The following NRXN3 variants were observed in gnomAD, a reference collection of about 807,000 sequenced individuals.
NRXN3 encodes neurexin III.
Under a neutral mutation model 137.6 loss-of-function variants are expected in NRXN3, and 32 were observed. The observed-to-expected ratio is 0.23, with a 90% confidence interval of 0.18 to 0.31. The LOEUF is 0.31. NRXN3 is among the 10% of genes least tolerant of loss of function. The pLI, the probability that NRXN3 is intolerant of heterozygous loss-of-function variation, is 1.00. For synonymous variants in NRXN3, 798 were observed against 784.5 expected (o/e 1.02, Z -0.29); for missense variants, 1,574 against 2,062.5 (o/e 0.76, Z 4.59).
intron 11 of NRXN3, among the ~76,000 whole-genome samples, chr14:78,962,964 G>C (rs956519925): frequency 6.6e-6 from 1 of 151,902 alleles, no homozygotes; most frequent in South Asian, 2.1e-4. Flanking sequence ...CACCCACCTC[G>C]ACCTCCCAAG....
At chr14:78,396,917 G>T (rs548185336) in intron 4 of NRXN3, among the ~76,000 whole-genome samples, 1 of 152,228 alleles carries the variant, frequency 6.6e-6, no homozygotes, top group South Asian at 2.1e-4. Flanking sequence ...TCAAATTCTG[G>T]TTGGGGCTCT....
chr14:79,219,166 C>T (rs569683086), intron 15 of NRXN3, among the ~76,000 whole-genome samples: 4 of 152,242 alleles, frequency 2.6e-5, no homozygotes, highest in African/African-American at 7.2e-5. Context: ...CTGTGCCCCA[C>T]GCTGGAATGC....
chr14:79,537,178 T>C (rs1311391998), intron 16 of NRXN3, among the ~76,000 whole-genome samples: 1 of 152,166 alleles, frequency 6.6e-6, no homozygotes, highest in Non-Finnish European at 1.5e-5. Context: ...GGAGTCTCAT[T>C]GTGGTTTTGA....
At chr14:79,254,794 C>A (rs576783544) in intron 15 of NRXN3, among the ~76,000 whole-genome samples, 1 of 152,126 alleles carries the variant, frequency 6.6e-6, no homozygotes, top group East Asian at 1.9e-4. Flanking sequence ...TCTTCCCTCC[C>A]TGCCTGCCTC....
In NRXN3 at chr14:78,898,469, G is replaced by A. The variant is rs956696573; in HGVS notation, c.2276-58773G>A. Among the ~76,000 whole-genome samples, 5 of 151,818 alleles carry A rather than the reference G, an allele frequency of 3.3e-5. No individual in the cohort carries two copies. In the East Asian group the frequency reaches 9.8e-4, roughly 30 times the overall value. On this transcript the variant is annotated intron_variant, in intron 10 of 20. Coordinates refer to ENST00000335750, the MANE Select transcript of NRXN3 (RefSeq NM_001330195.2). Reference sequence around the variant, plus strand: ...TTTCATCTTCAAAGCACAAGAATGAGAAAAGAAAGGAGACAGGAACCATTT... The same window carrying A: ...TTTCATCTTCAAAGCACAAGAATGAAAAAAGAAAGGAGACAGGAACCATTT...
chr14:78,544,766 T>C (rs1600226973), intron 4 of NRXN3, among the ~76,000 whole-genome samples: 3 of 152,328 alleles, frequency 2.0e-5, no homozygotes, highest in South Asian at 2.1e-4. Context: ...GAGGACTGCA[T>C]AGAGTTGCAA....
At position 79,762,359 on chromosome 14, in the gene NRXN3, C is replaced by T. The variant is rs114750715; in HGVS notation, c.4015-42753C>T. Reference sequence around the variant, plus strand: ...ATGCTCAAGTAGTTAGAAAGTGTGTCGAAGCAGATGTTGAACTGAAGAAAG... The same window carrying T: ...ATGCTCAAGTAGTTAGAAAGTGTGTTGAAGCAGATGTTGAACTGAAGAAAG... On this transcript the variant is annotated intron_variant, in intron 19 of 20. Coordinates refer to ENST00000335750, the MANE Select transcript of NRXN3 (RefSeq NM_001330195.2). 5.4e-3 allele frequency among the ~76,000 whole-genome samples: 813 copies of T among 151,584 alleles called. 45 individuals are homozygous for T. Among genetic ancestry groups the T allele is most frequent in the African/African-American group, 0.018 (742 of 41,002 alleles).
At chr14:79,504,093 C>T (rs1194138015) in intron 16 of NRXN3, among the ~76,000 whole-genome samples, 1 of 152,092 alleles carries the variant, frequency 6.6e-6, no homozygotes, top group Non-Finnish European at 1.5e-5. Flanking sequence ...ACACTCTTAC[C>T]AGGTACCAAT....
chr14:78,703,598 G>T (rs2098312880), intron 6 of NRXN3: 1 of 152,214 alleles, frequency 6.6e-6, no homozygotes. Flanking sequence ...GTGAGTAAAT[G>T]ACTTTGCAGT....
At chr14:78,750,763 A>C (rs556755958) in intron 8 of NRXN3, among the ~76,000 whole-genome samples, 1 of 152,262 alleles carries the variant, frequency 6.6e-6, no homozygotes, top group East Asian at 1.9e-4. Flanking sequence ...TATTTTAGTT[A>C]TCTCACCATG....
chr14:79,135,836 A>G (rs535538648), intron 15 of NRXN3, among the ~76,000 whole-genome samples: 1 of 152,304 alleles, frequency 6.6e-6, no homozygotes, highest in South Asian at 2.1e-4. Context: ...GGTTCAGAGA[A>G]GGCATGTCAG....
At chr14:78,633,267 A>AGAG (rs1555408886) in intron 4 of NRXN3, among the ~76,000 whole-genome samples, 17 of 150,084 alleles carry the variant, frequency 1.1e-4, no homozygotes, top group African/African-American at 3.7e-4. Context: ...AAAAAAAAAA[A>AGAG]AGAGACTGGT....
At chr14:78,391,467 A>G (rs1309894117) in intron 4 of NRXN3, among the ~76,000 whole-genome samples, 5 of 152,126 alleles carry the variant, frequency 3.3e-5, no homozygotes, top group African/African-American at 1.2e-4. Context: ...CTAAGGATAG[A>G]CCATTTCCCA....
At chr14:79,713,220 G>A (rs529336389) in intron 19 of NRXN3, among the ~76,000 whole-genome samples, 17 of 131,010 alleles carry the variant, frequency 1.3e-4, no homozygotes, top group Non-Finnish European at 3.1e-5. Context: ...CTTATCAGTG[G>A]ACCTCAAAGT....
rs549201440 is a variant in NRXN3 at position 79,141,992 on chromosome 14, A to G, written c.3262+153851A>G. 4.8e-4 allele frequency among the ~76,000 whole-genome samples: 73 copies of G among 152,300 alleles called. 1 individual carries two copies. The highest frequency in any genetic ancestry group is 1.7e-3 in the African/African-American group (72 of 41,558). ...TCTCAGCCATCAAAATATCCATAAG[A>G]CCATATGATGAAGTACATATAAAGT... On this transcript the variant is annotated intron_variant, in intron 15 of 20. Transcript: ENST00000335750.
At chr14:79,576,240 G>A (rs1359429106) in intron 16 of NRXN3, among the ~76,000 whole-genome samples, 1 of 152,146 alleles carries the variant, frequency 6.6e-6, no homozygotes, top group Non-Finnish European at 1.5e-5. Flanking sequence ...CCAGTGGTGT[G>A]TAAATATATA....
intron 10 of NRXN3, among the ~76,000 whole-genome samples, chr14:78,856,170 C>T (rs1475633209): frequency 6.6e-6 from 1 of 152,190 alleles, no homozygotes; most frequent in Non-Finnish European, 1.5e-5. Context: ...TGAAGCTTTT[C>T]ACAGTTGCAA....
At chr14:79,791,333 C>T (rs2099144480) in intron 19 of NRXN3, 1 of 151,902 alleles carries the variant, frequency 6.6e-6, no homozygotes, top group Middle Eastern at 3.4e-3. Flanking sequence ...TAAGAGAAAA[C>T]TTGACCTGCA....
At chr14:79,096,608 TA>T (rs56223095) in intron 15 of NRXN3, among the ~76,000 whole-genome samples, 142,308 of 149,110 alleles carry the variant, frequency 0.95, 68,042 homozygotes, top group Middle Eastern at 0.99. Context: ...TGTGTAAAAA[TA>T]AAAAAAAAAA....
Sources: allele counts gnomAD v4.1 joint callset (sites outside exome capture counted in the v4.1 genomes callset), GRCh38; gene constraint gnomAD v4.1.1; transcripts MANE v1.5; gene names NCBI Gene and HGNC (gene_info 2026-07-23, HGNC 2026-07-21).